Variants in RBFOX1 observed in about 807,000 individuals in gnomAD.
RBFOX1 encodes the protein RNA binding fox-1 homolog 1.
Under a neutral mutation model 57.7 loss-of-function variants are expected in RBFOX1, and 8 were observed. The ratio of observed to expected loss-of-function variants is 0.14; its 90% CI spans 0.08 to 0.25. The LOEUF (loss-of-function observed/expected upper bound fraction) is 0.25, where lower values mean the gene tolerates loss of function less well. Ranked by LOEUF, RBFOX1 falls within the 10% of genes least tolerant of loss-of-function variation. The pLI, the probability that RBFOX1 is intolerant of heterozygous loss-of-function variation, is 1.00. For missense variants in RBFOX1, 611 were observed against 548.5 expected (o/e 1.11, Z -1.14); for synonymous variants, 326 against 222.4 (o/e 1.47, Z -4.15).
intron 1 of RBFOX1, among the ~76,000 whole-genome samples, chr16:5,307,942 T>C (rs1167873746): frequency 1.3e-5 from 2 of 152,152 alleles, no homozygotes; most frequent in Admixed American, 6.5e-5. Context: ...CCTCCCAGAG[T>C]GCTGAAATTA....
At chr16:6,442,172 C>G (rs2094397120) in intron 2 of RBFOX1, among the ~76,000 whole-genome samples, 1 of 152,148 alleles carries the variant, frequency 6.6e-6, no homozygotes, top group African/African-American at 2.4e-5. Context: ...CAGAGCTTGA[C>G]TTAGTGGTAG....
chr16:6,825,028 G>A (rs1462884210), intron 3 of RBFOX1, among the ~76,000 whole-genome samples: 1 of 88,642 alleles, frequency 1.1e-5, no homozygotes, highest in Non-Finnish European at 2.3e-5. Flanking sequence ...ACGGCGTCTG[G>A]CTCTGTCACC....
At chr16:7,451,472 C>A (rs530482952) in intron 4 of RBFOX1, among the ~76,000 whole-genome samples, 1 of 152,020 alleles carries the variant, frequency 6.6e-6, no homozygotes, top group Non-Finnish European at 1.5e-5. Context: ...TGCTCGGGAC[C>A]GTAATGCAAG....
At chr16:7,082,834 G>A (rs1285394707) in intron 4 of RBFOX1, among the ~76,000 whole-genome samples, 1 of 152,134 alleles carries the variant, frequency 6.6e-6, no homozygotes, top group Non-Finnish European at 1.5e-5. Flanking sequence ...CTATTGCTTT[G>A]CAGTTGATTA....
chr16:6,888,038 T>G (rs1022691629), intron 3 of RBFOX1, among the ~76,000 whole-genome samples: 4 of 152,106 alleles, frequency 2.6e-5, no homozygotes, highest in Non-Finnish European at 5.9e-5. Flanking sequence ...GGTGTTTGCT[T>G]GTGTGTCTGA....
At chr16:5,761,906 C>G (rs1257870747) in intron 3 of RBFOX1, among the ~76,000 whole-genome samples, 2 of 152,106 alleles carry the variant, frequency 1.3e-5, no homozygotes, top group Non-Finnish European at 2.9e-5. Flanking sequence ...CCCCTGACCC[C>G]TATCAAAGGA....
intron 3 of RBFOX1, chr16:6,874,064 A>G (rs2061405324): frequency 1.3e-5 from 2 of 152,230 alleles, no homozygotes; most frequent in African/African-American, 4.8e-5. Flanking sequence ...AAGTCATTAT[A>G]TGAAAAAGAC....
intron 4 of RBFOX1, among the ~76,000 whole-genome samples, chr16:7,458,303 C>T (rs1163464214): frequency 6.6e-6 from 1 of 152,158 alleles, no homozygotes; most frequent in Non-Finnish European, 1.5e-5. Flanking sequence ...GTGTGTCTCT[C>T]TGCCTTCCCC....
intron 4 of RBFOX1, among the ~76,000 whole-genome samples, chr16:7,338,999 C>T (rs117279874): frequency 0.019 from 2,881 of 152,226 alleles, 45 homozygotes; most frequent in Non-Finnish European, 0.026. Flanking sequence ...AGTCACTAAG[C>T]GGACTTTTCT....
chr16:5,289,632 A>G lies in RBFOX1; in HGVS notation c.219+49527A>G, dbSNP rs150538539. Among the ~76,000 whole-genome samples, 337 of 152,350 alleles carry G rather than the reference A, an allele frequency of 2.2e-3. 2 individuals carry two copies. Among genetic ancestry groups the G allele is most frequent in the African/African-American group, 7.8e-3 (324 of 41,578 alleles). The stretch of plus-strand genomic sequence containing the variant: ...ATGCAAAAGTAAATATGTGCCTTGC[A>G]TCATATTTCATCACATTTAGTGTGG... On this transcript the variant is annotated intron_variant, in intron 1 of 2. Transcript: ENST00000585867.
At chr16:7,094,564 A>C (rs1215108531) in intron 4 of RBFOX1, among the ~76,000 whole-genome samples, 2 of 151,994 alleles carry the variant, frequency 1.3e-5, no homozygotes, top group East Asian at 3.9e-4. Context: ...CAGACTGTCA[A>C]ATCCTGTGTA....
intron 3 of RBFOX1, among the ~76,000 whole-genome samples, chr16:5,606,606 C>T (rs1596418920): frequency 6.6e-6 from 1 of 152,134 alleles, no homozygotes; most frequent in Admixed American, 6.5e-5. Context: ...AAACCGTGCC[C>T]TCAAAGCGCT....
At chr16:5,445,883 A>T (rs537489878) in intron 1 of RBFOX1, among the ~76,000 whole-genome samples, 1 of 152,220 alleles carries the variant, frequency 6.6e-6, no homozygotes, top group Non-Finnish European at 1.5e-5. Flanking sequence ...CCTCAGGGTT[A>T]GTTCTTTTTC....
At chr16:6,584,149 G>A (rs1380167905) in intron 2 of RBFOX1, among the ~76,000 whole-genome samples, 1 of 151,818 alleles carries the variant, frequency 6.6e-6, no homozygotes, top group Non-Finnish European at 1.5e-5. Context: ...TTCCTATTGT[G>A]TGGTAAGCAT....
chr16:7,251,677 C>G (rs1301290145), intron 4 of RBFOX1, among the ~76,000 whole-genome samples: 1 of 152,104 alleles, frequency 6.6e-6, no homozygotes, highest in South Asian at 2.1e-4. Flanking sequence ...ACCTCAGCCT[C>G]GCAAAGTCGT....
chr16:7,499,656 G>C (rs535505517), intron 4 of RBFOX1, among the ~76,000 whole-genome samples: 3 of 152,258 alleles, frequency 2.0e-5, no homozygotes, highest in Non-Finnish European at 2.9e-5. Flanking sequence ...TAAGTGAAGA[G>C]GATGAATGCA....
At chr16:5,839,271 AC>A (rs1410714796) in intron 3 of RBFOX1, among the ~76,000 whole-genome samples, 3 of 152,204 alleles carry the variant, frequency 2.0e-5, no homozygotes, top group Admixed American at 6.5e-5. Context: ...AGAAAGTCTT[AC>A]AAAAAATCAC....
intron 3 of RBFOX1, among the ~76,000 whole-genome samples, chr16:6,815,434 A>G (rs1319961174): frequency 6.6e-6 from 1 of 152,094 alleles, no homozygotes; most frequent in African/African-American, 2.4e-5. Context: ...AGATGGAGTC[A>G]CTCTGGTTCA....
chr16:6,974,303 TTGTGGTGATATAAA>T, intron 3 of RBFOX1, among the ~76,000 whole-genome samples: 1 of 151,812 alleles, frequency 6.6e-6, no homozygotes, highest in South Asian at 2.1e-4. Flanking sequence ...ACAGTCCAGT[TTGTGGTGATATAAA>T]TCACATTTTT....
Sources: gnomAD v4.1 joint callset for allele counts (sites outside exome capture counted in the v4.1 genomes callset) on GRCh38, gnomAD v4.1.1 for gene constraint, MANE v1.5 for transcripts, NCBI Gene and HGNC (gene_info 2026-07-23, HGNC 2026-07-21) for gene names.